CDK14: variants seen among roughly 807,000 people sequenced by gnomAD.
CDK14 encodes the protein cyclin dependent kinase 14, also known as cyclin-dependent kinase 14.
In CDK14, 34 loss-of-function variants were observed where a neutral mutation model predicts 60.7. That is an observed-to-expected ratio of 0.56 (90% CI 0.43 to 0.75). The LOEUF (loss-of-function observed/expected upper bound fraction) is 0.75, where lower values mean the gene tolerates loss of function less well. CDK14 is among the 30% of genes least tolerant of loss of function. CDK14 has a pLI of 0.00. For synonymous variants in CDK14, 197 were observed against 203.7 expected, an observed-to-expected ratio of 0.97 and a Z score of 0.28; for missense variants, 482 against 564.1, an observed-to-expected ratio of 0.85 and a Z score of 1.47.
At chr7:90,653,129 G>A (rs1480785384) in intron 2 of CDK14, among the ~76,000 whole-genome samples, 1 of 151,928 alleles carries the variant, frequency 6.6e-6, no homozygotes, top group Non-Finnish European at 1.5e-5. Context: ...AATTTTGGCT[G>A]TACCAGCTCC....
intron 2 of CDK14, among the ~76,000 whole-genome samples, chr7:90,625,586 C>T (rs1799860579): frequency 6.6e-6 from 1 of 152,068 alleles, no homozygotes; most frequent in Admixed American, 6.6e-5. Flanking sequence ...AATATTTTTG[C>T]ACTATTAATC....
intron 4 of CDK14, among the ~76,000 whole-genome samples, chr7:90,773,712 A>G (rs1281254597): frequency 6.6e-6 from 1 of 151,976 alleles, no homozygotes; most frequent in Non-Finnish European, 1.5e-5. Context: ...TTTTAAATTT[A>G]TTGACTGTGT....
chr7:90,876,373 T>G (rs1791563769), intron 6 of CDK14, among the ~76,000 whole-genome samples: 1 of 152,200 alleles, frequency 6.6e-6, no homozygotes, highest in African/African-American at 2.4e-5. Flanking sequence ...ACCCTCTGTT[T>G]TTCCTTCTCT....
At chr7:90,800,940 A>G (rs922096619) in intron 5 of CDK14, among the ~76,000 whole-genome samples, 4 of 152,122 alleles carry the variant, frequency 2.6e-5, no homozygotes, top group Non-Finnish European at 4.4e-5. Flanking sequence ...CTCCATCTTC[A>G]CATGGTCTTC....
At chr7:90,676,527 ATTTT>A (rs60056655) in intron 2 of CDK14, among the ~76,000 whole-genome samples, 12 of 142,116 alleles carry the variant, frequency 8.4e-5, no homozygotes, top group Non-Finnish European at 1.4e-4. Flanking sequence ...TAGATGTTTC[ATTTT>A]TTTTTTTTTT....
At chr7:90,767,343 G>T (rs927865231) in intron 4 of CDK14, among the ~76,000 whole-genome samples, 3 of 152,106 alleles carry the variant, frequency 2.0e-5, no homozygotes, top group African/African-American at 7.2e-5. Flanking sequence ...AGGGTACATA[G>T]CCAATTTCTT....
At chr7:91,182,417 A>G (rs752422174) in intron 14 of CDK14, among the ~76,000 whole-genome samples, 11 of 152,008 alleles carry the variant, frequency 7.2e-5, no homozygotes, top group Non-Finnish European at 1.2e-4. Flanking sequence ...TTGTTTAATA[A>G]TATTGTAAAA....
At chr7:90,863,670 A>ACG (rs1554357996) in intron 6 of CDK14, among the ~76,000 whole-genome samples, 1 of 145,880 alleles carries the variant, frequency 6.9e-6, no homozygotes, top group Non-Finnish European at 1.5e-5. Flanking sequence ...TTATTAAGAT[A>ACG]TGTGTGTGTG....
intron 2 of CDK14, among the ~76,000 whole-genome samples, chr7:90,615,286 CAAT>C (rs1799628763): frequency 6.6e-6 from 1 of 152,184 alleles, no homozygotes; most frequent in African/African-American, 2.4e-5. Flanking sequence ...TTGCAAGTTA[CAAT>C]TTAAAAGACA....
At position 91,051,768 on chromosome 7, in the gene CDK14, C is replaced by T. The variant is rs80284564; in HGVS notation, c.1105+5808C>T. On this transcript the variant is annotated intron_variant, in intron 11 of 14. Transcript: ENST00000380050. ...ATAAGGCTCTCTGCTATAAATTCCT[C>T]CTGGGATAATGAGAGGCTCCCCTAT... Among the ~76,000 whole-genome samples, 1,206 of 152,302 alleles carry T rather than the reference C, an allele frequency of 7.9e-3. 14 individuals carry two copies. Among genetic ancestry groups the T allele is most frequent in the African/African-American group, 0.028 (1,149 of 41,550 alleles).
At chr7:91,128,009 A>G (rs917224229) in intron 14 of CDK14, among the ~76,000 whole-genome samples, 14 of 152,272 alleles carry the variant, frequency 9.2e-5, no homozygotes, top group African/African-American at 3.4e-4. Flanking sequence ...AACTTTTATG[A>G]TATCATTTAT....
intron 5 of CDK14, among the ~76,000 whole-genome samples, chr7:90,849,982 A>G (rs1304181700): frequency 6.6e-6 from 1 of 152,058 alleles, no homozygotes; most frequent in Non-Finnish European, 1.5e-5. Flanking sequence ...CCATCTTTCC[A>G]TAATCTGAAA....
chr7:91,185,355 T>C (rs1225527777), intron 14 of CDK14, among the ~76,000 whole-genome samples: 1 of 143,280 alleles, frequency 7.0e-6, no homozygotes, highest in Non-Finnish European at 1.6e-5. Context: ...AAAACTTCTA[T>C]TTTTAAAACT....
chr7:90,884,298 G>A (rs1232640312), intron 6 of CDK14, among the ~76,000 whole-genome samples: 2 of 151,994 alleles, frequency 1.3e-5, no homozygotes, highest in African/African-American at 4.8e-5. Flanking sequence ...CAGTAGGCAA[G>A]CAGACAGCCA....
chr7:90,613,195 G>A (rs76286079), intron 2 of CDK14, among the ~76,000 whole-genome samples: 2 of 152,308 alleles, frequency 1.3e-5, no homozygotes, highest in South Asian at 2.1e-4. Flanking sequence ...CAAAGTGCAA[G>A]ATGTATGACA....
chr7:90,808,156 A>T (rs1387521541), intron 5 of CDK14, among the ~76,000 whole-genome samples: 3 of 152,212 alleles, frequency 2.0e-5, no homozygotes, highest in African/African-American at 7.2e-5. Flanking sequence ...TCCAAGACAC[A>T]TAATTGTCAG....
At chr7:90,861,254 G>A (rs1446007447) in intron 5 of CDK14, among the ~76,000 whole-genome samples, 1 of 152,092 alleles carries the variant, frequency 6.6e-6, no homozygotes, top group East Asian at 1.9e-4. Context: ...GGGTTTGGAG[G>A]ACAATTAATG....
intron 5 of CDK14, among the ~76,000 whole-genome samples, chr7:90,811,164 T>G (rs572476388): frequency 6.6e-6 from 1 of 152,106 alleles, no homozygotes; most frequent in Non-Finnish European, 1.5e-5. Flanking sequence ...GCCAAGTCAA[T>G]CCTAAGACAA....
In CDK14 at chr7:91,128,112, C is replaced by G. The variant is rs183625399; in HGVS notation, c.*28+9904C>G. On this transcript the variant is annotated intron_variant, in intron 14 of 14. Coordinates refer to ENST00000380050, the MANE Select transcript of CDK14 (RefSeq NM_001287135.2). ...CACTAAAGGATGTTTACTTAGCATC[C>G]AGATTCTGGTTAAAATGTATATTTT... is the stretch of plus-strand genomic sequence containing the variant. Among the ~76,000 whole-genome samples, 29 of 152,242 alleles carry G rather than the reference C, an allele frequency of 1.9e-4. 3 individuals carry two copies. The highest frequency in any genetic ancestry group is 7.0e-4 in the African/African-American group (29 of 41,560).
Sources: allele counts gnomAD v4.1 joint callset (sites outside exome capture counted in the v4.1 genomes callset), GRCh38; gene constraint gnomAD v4.1.1; transcripts MANE v1.5; gene names NCBI Gene and HGNC (gene_info 2026-07-23, HGNC 2026-07-21).